PTPRD: variants seen among roughly 807,000 people sequenced by gnomAD.
The protein encoded by PTPRD is receptor-type tyrosine-protein phosphatase delta.
A neutral mutation model predicts 214.5 loss-of-function variants in PTPRD; 34 were observed. That is an observed-to-expected ratio of 0.16 (90% CI 0.12 to 0.21). The LOEUF (loss-of-function observed/expected upper bound fraction) is 0.21. Ranked by LOEUF, PTPRD falls within the 10% of genes least tolerant of loss-of-function variation. The pLI is 1.00. For synonymous variants in PTPRD, 1,128 were observed against 845.7 expected (o/e 1.33, Z -5.79); for missense variants, 2,545 against 2,398.7 (o/e 1.06, Z -1.27).
chr9:9,869,492 T>G (rs1488914629), intron 5 of PTPRD, among the ~76,000 whole-genome samples: 1 of 152,146 alleles, frequency 6.6e-6, no homozygotes, highest in African/African-American at 2.4e-5. Flanking sequence ...TCTTTTATTG[T>G]AGAACGTTCC....
chr9:10,182,828 A>G (rs918304720), intron 3 of PTPRD, among the ~76,000 whole-genome samples: 1 of 152,158 alleles, frequency 6.6e-6, no homozygotes, highest in Admixed American at 6.5e-5. Flanking sequence ...GACAGTATGC[A>G]TGTATGTATA....
chr9:9,651,260 G>C (rs1357637798), intron 7 of PTPRD, among the ~76,000 whole-genome samples: 1 of 151,896 alleles, frequency 6.6e-6, no homozygotes, highest in African/African-American at 2.4e-5. Flanking sequence ...AAACTTTTAA[G>C]TTCAAGGATA....
At chr9:9,064,160 A>C (rs1243959596) in intron 10 of PTPRD, among the ~76,000 whole-genome samples, 2 of 152,204 alleles carry the variant, frequency 1.3e-5, no homozygotes, top group African/African-American at 2.4e-5. Context: ...AACTTAAAGC[A>C]TAAGAAATGT....
At chr9:8,762,368 T>C (rs1355594113) in intron 11 of PTPRD, among the ~76,000 whole-genome samples, 2 of 152,162 alleles carry the variant, frequency 1.3e-5, no homozygotes, top group Non-Finnish European at 2.9e-5. Context: ...ATATATCACC[T>C]TCATGGAAAT....
intron 10 of PTPRD, among the ~76,000 whole-genome samples, chr9:9,164,720 A>C (rs534624259): frequency 6.6e-6 from 1 of 152,024 alleles, no homozygotes; most frequent in Admixed American, 6.6e-5. Context: ...TTTTTTAAAA[A>C]ATTTCTCCAA....
chr9:9,824,444 T>A (rs2051954291), intron 5 of PTPRD, among the ~76,000 whole-genome samples: 1 of 152,086 alleles, frequency 6.6e-6, no homozygotes, highest in South Asian at 2.1e-4. Flanking sequence ...TACAATTTGC[T>A]TAATGCTTTG....
chr9:9,978,065 T>G (rs945237061), intron 4 of PTPRD, among the ~76,000 whole-genome samples: 2 of 151,974 alleles, frequency 1.3e-5, no homozygotes, highest in Non-Finnish European at 2.9e-5. Context: ...ATCAGATAGC[T>G]GATATTGTAG....
At chr9:8,520,832 T>C (rs1055355894) in intron 20 of PTPRD, among the ~76,000 whole-genome samples, 6 of 152,202 alleles carry the variant, frequency 3.9e-5, no homozygotes, top group African/African-American at 7.2e-5. Flanking sequence ...CATCTATTAC[T>C]AGACTATGTT....
At chr9:8,920,885 C>T (rs569258486) in intron 11 of PTPRD, among the ~76,000 whole-genome samples, 2 of 152,258 alleles carry the variant, frequency 1.3e-5, no homozygotes, top group African/African-American at 4.8e-5. Flanking sequence ...GCAATCTCGG[C>T]TCACCACAAC....
chr9:10,132,119 C>T (rs1023115427), intron 3 of PTPRD, among the ~76,000 whole-genome samples: 11 of 151,946 alleles, frequency 7.2e-5, no homozygotes, highest in African/African-American at 2.7e-4. Context: ...TCAGCAGTTA[C>T]TACTGGTAAT....
At chr9:8,630,462 A>G (rs1178825202) in intron 14 of PTPRD, among the ~76,000 whole-genome samples, 6 of 151,902 alleles carry the variant, frequency 3.9e-5, no homozygotes, top group Non-Finnish European at 8.8e-5. Flanking sequence ...GACTCCAGGA[A>G]ACAAAAATAA....
chr9:8,918,311 G>T (rs1237444944), intron 11 of PTPRD, among the ~76,000 whole-genome samples: 1 of 152,140 alleles, frequency 6.6e-6, no homozygotes, highest in African/African-American at 2.4e-5. Flanking sequence ...AAGGGAGACA[G>T]AACAAGCAAA....
At chr9:8,838,104 C>G (rs951696924) in intron 11 of PTPRD, among the ~76,000 whole-genome samples, 3 of 151,938 alleles carry the variant, frequency 2.0e-5, no homozygotes, top group Admixed American at 2.0e-4. Flanking sequence ...GAGAGGGGTC[C>G]AGCATAATAA....
intron 11 of PTPRD, among the ~76,000 whole-genome samples, chr9:8,759,762 C>T (rs947241025): frequency 2.0e-5 from 3 of 152,118 alleles, no homozygotes; most frequent in African/African-American, 7.2e-5. Context: ...AAAACATTCA[C>T]TTGAAATTCT....
intron 11 of PTPRD, among the ~76,000 whole-genome samples, chr9:8,788,307 C>T (rs908762821): frequency 2.0e-4 from 23 of 113,460 alleles, no homozygotes; most frequent in Admixed American, 1.3e-4. Flanking sequence ...TGGAGTTTCG[C>T]TTTTGTCGCC....
chr9:10,057,708 G>C (rs2097682420), intron 3 of PTPRD, among the ~76,000 whole-genome samples: 2 of 151,898 alleles, frequency 1.3e-5, no homozygotes, highest in African/African-American at 4.8e-5. Flanking sequence ...GCTGGGCGTG[G>C]TGCACGTGTC....
chr9:8,990,751 G>A (rs1005245063), intron 11 of PTPRD, among the ~76,000 whole-genome samples: 3 of 152,220 alleles, frequency 2.0e-5, no homozygotes, highest in Non-Finnish European at 4.4e-5. Context: ...TCTGGAGAGA[G>A]GCTGCCCCAT....
In PTPRD at chr9:9,246,902, T is replaced by C. The variant is rs1406811713; in HGVS notation, c.-202-63539A>G. Among the ~76,000 whole-genome samples, 6 of 152,162 alleles carry C rather than the reference T, an allele frequency of 3.9e-5. No homozygotes were observed. In the South Asian group the frequency reaches 1.0e-3, roughly 26 times the overall value. On this transcript the variant is annotated intron_variant, in intron 9 of 45. Coordinates refer to ENST00000381196, the MANE Select transcript of PTPRD (RefSeq NM_002839.4). ...ATGGCACTTTGGCATGCTGAGTAAT[T>C]TGAGCCACAGTACATTGGAAGGTCT...
intron 4 of PTPRD, among the ~76,000 whole-genome samples, chr9:9,985,112 A>C (rs1008107747): frequency 3.3e-5 from 5 of 152,326 alleles, no homozygotes; most frequent in Non-Finnish European, 7.4e-5. Context: ...ATGAAATAAC[A>C]CTTATGCTTT....
Sources: gnomAD v4.1 joint callset for allele counts (sites outside exome capture counted in the v4.1 genomes callset) on GRCh38, gnomAD v4.1.1 for gene constraint, MANE v1.5 for transcripts, NCBI Gene and HGNC (gene_info 2026-07-23, HGNC 2026-07-21) for gene names.